Variants in COL13A1 observed in about 807,000 individuals in gnomAD.
COL13A1 encodes collagen alpha-1(XIII) chain.
COL13A1 carries 89 observed loss-of-function variants against 130.9 expected under a neutral mutation model. The observed-to-expected ratio is 0.68, with a 90% CI of 0.57 to 0.81. COL13A1 has a LOEUF of 0.81. Ranked by LOEUF, COL13A1 falls within the 30% of genes least tolerant of loss-of-function variation. COL13A1 has a pLI of 0.00. For synonymous variants in COL13A1, 402 were observed against 341.6 expected, an observed-to-expected ratio of 1.18 and a Z score of -1.95; for missense variants, 879 against 934.6, an observed-to-expected ratio of 0.94 and a Z score of 0.78.
At chr10:69,902,012 T>C (rs1231169223) in intron 14 of COL13A1, among the ~76,000 whole-genome samples, 1 of 152,030 alleles carries the variant, frequency 6.6e-6, no homozygotes, top group African/African-American at 2.4e-5. Flanking sequence ...TCACCTTAAG[T>C]AACAGAAGCA....
At chr10:69,940,499 AG>A (rs2067474858) in intron 34 of COL13A1, among the ~76,000 whole-genome samples, 2 of 152,200 alleles carry the variant, frequency 1.3e-5, no homozygotes, top group Admixed American at 6.5e-5. Flanking sequence ...TGAGACCCTC[AG>A]GGGCACCCCA....
At chr10:69,871,973 G>A (rs1268337295) in intron 3 of COL13A1, among the ~76,000 whole-genome samples, 1 of 152,240 alleles carries the variant, frequency 6.6e-6, no homozygotes, top group Non-Finnish European at 1.5e-5. Context: ...GCAGAGCCAA[G>A]AGGTGAACAC....
intron 39 of COL13A1, among the ~76,000 whole-genome samples, chr10:69,953,319 G>A (rs141131606): frequency 2.5e-4 from 38 of 152,304 alleles, no homozygotes; most frequent in African/African-American, 8.7e-4. Flanking sequence ...TGTGAGCCAC[G>A]GATTTGCCTT....
At chr10:69,888,156 A>G in intron 8 of COL13A1, 148 bp from the exon 9 acceptor site, 1 of 815,896 alleles carries the variant, frequency 1.2e-6, no homozygotes, top group Admixed American at 2.4e-5. Flanking sequence ...GCTTACCCAT[A>G]GTCACATTAA....
At chr10:69,847,370 G>A (rs1853444368) in intron 2 of COL13A1, among the ~76,000 whole-genome samples, 1 of 152,172 alleles carries the variant, frequency 6.6e-6, no homozygotes, top group South Asian at 2.1e-4. Flanking sequence ...GCTCACACAG[G>A]TACACAAATT....
chr10:69,851,673 G>C (rs1223697253), intron 2 of COL13A1, among the ~76,000 whole-genome samples: 1 of 151,606 alleles, frequency 6.6e-6, no homozygotes, highest in Non-Finnish European at 1.5e-5. Context: ...TTGTTTTTTT[G>C]AGATGGAGTC....
chr10:69,823,484 C>A (rs561791230), intron 2 of COL13A1, among the ~76,000 whole-genome samples: 1 of 152,308 alleles, frequency 6.6e-6, no homozygotes, highest in South Asian at 2.1e-4. Flanking sequence ...CTCCTCGATA[C>A]CCACGGTGGC....
At chr10:69,874,956 A>C (rs1319497512) in intron 4 of COL13A1, among the ~76,000 whole-genome samples, 172 bp from the exon 5 acceptor site, 1 of 152,150 alleles carries the variant, frequency 6.6e-6, no homozygotes, top group Non-Finnish European at 1.5e-5. Flanking sequence ...AGTCCTTGGG[A>C]GCTGCATAGG....
At chr10:69,922,422 T>G (rs1469964011) in intron 22 of COL13A1, among the ~76,000 whole-genome samples, 1 of 152,192 alleles carries the variant, frequency 6.6e-6, no homozygotes, top group Non-Finnish European at 1.5e-5. Flanking sequence ...TTATTCCACA[T>G]TTTGAATATT....
intron 1 of COL13A1, among the ~76,000 whole-genome samples, chr10:69,816,387 C>T (rs1472715973): frequency 6.6e-6 from 1 of 151,112 alleles, no homozygotes; most frequent in African/African-American, 2.4e-5. Flanking sequence ...ATCAGAAGCT[C>T]AGTTTTGCCA....
chr10:69,954,233 CA>C lies in COL13A1; in HGVS notation c.2145+1268del, dbSNP rs143743714. The stretch of plus-strand genomic sequence containing the variant: ...CCCAGTCATGCCACCCTCTTGCATG[CA>C]AAGTTTACTGGGATGTTTCCTGGCT... On this transcript the variant is annotated intron_variant, in intron 39 of 40. Coordinates refer to ENST00000645393, the MANE Select transcript of COL13A1 (RefSeq NM_001368882.1). Among the ~76,000 whole-genome samples, 1,206 of 152,292 alleles carry C rather than the reference CA, an allele frequency of 7.9e-3. 11 individuals are homozygous for C. Among genetic ancestry groups the C allele is most frequent in the African/African-American group, 0.028 (1,171 of 41,552 alleles).
intron 2 of COL13A1, among the ~76,000 whole-genome samples, chr10:69,838,315 C>T (rs1313588766): frequency 2.0e-5 from 3 of 152,354 alleles, no homozygotes; most frequent in East Asian, 3.9e-4. Context: ...CTGGAAACAC[C>T]TAGACTAACA....
chr10:69,837,885 G>C (rs1850523384), intron 2 of COL13A1, among the ~76,000 whole-genome samples: 1 of 152,256 alleles, frequency 6.6e-6, no homozygotes, highest in Non-Finnish European at 1.5e-5. Context: ...TGGCACTGTA[G>C]TGGGGCTGGA....
intron 2 of COL13A1, among the ~76,000 whole-genome samples, chr10:69,842,152 G>C (rs890144276): frequency 2.6e-5 from 4 of 152,122 alleles, no homozygotes; most frequent in African/African-American, 4.8e-5. Flanking sequence ...TGACTCATGG[G>C]GGTGGTTTCC....
At chr10:69,931,611 G>C (rs772696962) in intron 30 of COL13A1, among the ~76,000 whole-genome samples, 1 of 152,128 alleles carries the variant, frequency 6.6e-6, no homozygotes, top group African/African-American at 2.4e-5. Context: ...TCACTCAACC[G>C]GCACAGGCAG....
intron 31 of COL13A1, 113 bp from the exon 32 acceptor site, chr10:69,935,237 C>A (rs1375786729): frequency 3.4e-6 from 3 of 881,360 alleles, no homozygotes; most frequent in Non-Finnish European, 5.5e-6. Context: ...CACTGGCTGA[C>A]CTCCAGTGGG....
chr10:69,930,009 C>G lies in COL13A1; in HGVS notation c.1486-34C>G, dbSNP rs780981319. The G allele has an allele frequency of 1.5e-5, 24 of 1,605,770 alleles. No individual in the cohort carries two copies. In the South Asian group the frequency reaches 2.5e-4, roughly 17 times the overall value. On this transcript the variant is annotated intron_variant, in intron 28 of 40. Coordinates refer to ENST00000645393, the MANE Select transcript of COL13A1 (RefSeq NM_001368882.1). ...TAACTGATGGCTGCTATGTTCTCTGCCCTGAGAGTCACCTTTAGTTGTTCC... is the reference window on the plus strand; with the variant it reads ...TAACTGATGGCTGCTATGTTCTCTGGCCTGAGAGTCACCTTTAGTTGTTCC...
chr10:69,911,816 C>T lies in COL13A1; in HGVS notation c.922-5473C>T, dbSNP rs527678835. Among the ~76,000 whole-genome samples the T allele has an allele frequency of 5.9e-5, 9 of 152,348 alleles. No individual in the cohort carries two copies. The East Asian group carries it at 1.7e-3, about 29-fold the overall frequency. Reference sequence around the variant, plus strand: ...GGCACTGACTCCATCCAAATAAGTCCCTCAGGGAGTTGGGATGGTTTCAGG... The same window carrying T: ...GGCACTGACTCCATCCAAATAAGTCTCTCAGGGAGTTGGGATGGTTTCAGG... On this transcript the variant is annotated intron_variant, in intron 17 of 40. Coordinates refer to ENST00000645393, the MANE Select transcript of COL13A1 (RefSeq NM_001368882.1).
At chr10:69,927,154 G>C in intron 27 of COL13A1, 44 bp downstream of exon 27, 3 of 1,610,184 alleles carry the variant, frequency 1.9e-6, no homozygotes, top group Non-Finnish European at 2.5e-6. Context: ...CTGGACGGGG[G>C]GGCTGGGGAT....
Sources: gnomAD v4.1 joint callset for allele counts (sites outside exome capture counted in the v4.1 genomes callset) on GRCh38, gnomAD v4.1.1 for gene constraint, MANE v1.5 for transcripts, NCBI Gene and HGNC (gene_info 2026-07-23, HGNC 2026-07-21) for gene names.